The following SBF2 variants were observed in gnomAD, a reference collection of about 807,000 sequenced individuals.
The protein encoded by SBF2 is myotubularin-related protein 13.
SBF2 carries 112 observed loss-of-function variants against 225.2 expected under a neutral mutation model. The observed-to-expected ratio is 0.50, with a 90% CI of 0.43 to 0.58. The LOEUF is 0.58. Ranked by LOEUF, SBF2 falls within the 20% of genes least tolerant of loss-of-function variation. SBF2 has a pLI of 0.00. For missense variants in SBF2, 1,996 were observed against 2,206.2 expected (o/e 0.90, Z 1.91); for synonymous variants, 763 against 773.3 (o/e 0.99, Z 0.22).
intron 1 of SBF2, among the ~76,000 whole-genome samples, chr11:10,270,760 G>T (rs554523062): frequency 1.2e-4 from 18 of 152,204 alleles, no homozygotes; most frequent in Non-Finnish European, 2.1e-4. Context: ...TTGGGAGGCC[G>T]AGGTAGGCGG....
chr11:9,787,814 T>C (rs561049501), intron 35 of SBF2, 76 bp from the exon 36 acceptor site: 520 of 1,255,194 alleles, frequency 4.1e-4, no homozygotes, highest in Non-Finnish European at 5.5e-4. Context: ...ACTGCTTCTG[T>C]ACTAGGCCCA....
chr11:10,112,197 A>G (rs1220803201), intron 2 of SBF2, among the ~76,000 whole-genome samples: 2 of 152,182 alleles, frequency 1.3e-5, no homozygotes, highest in Non-Finnish European at 2.9e-5. Context: ...AAGAACTGAG[A>G]GTAAAGAGGG....
chr11:10,270,103 T>A (rs1030478509), intron 1 of SBF2, among the ~76,000 whole-genome samples: 12 of 152,170 alleles, frequency 7.9e-5, no homozygotes, highest in African/African-American at 2.9e-4. Flanking sequence ...ATAAATTTAT[T>A]TACTTTAAAT....
At chr11:9,797,864 T>C (rs1853227389) in intron 32 of SBF2, among the ~76,000 whole-genome samples, 1 of 152,062 alleles carries the variant, frequency 6.6e-6, no homozygotes, top group Non-Finnish European at 1.5e-5. Context: ...CCCCAGCTAC[T>C]CAGGAGGCTG....
chr11:10,189,339 C>T (rs1028841991), intron 2 of SBF2, among the ~76,000 whole-genome samples: 1 of 152,118 alleles, frequency 6.6e-6, no homozygotes, highest in East Asian at 1.9e-4. Flanking sequence ...TATTCTTCTA[C>T]AAAAAGGAAG....
chr11:9,959,669 G>A, intron 16 of SBF2: 3 of 742,102 alleles, frequency 4.0e-6, no homozygotes, highest in Non-Finnish European at 7.6e-6. Context: ...TTGCAGCGCA[G>A]TCTTGCTTGA....
chr11:9,786,933 C>T (rs1052762893), intron 36 of SBF2, among the ~76,000 whole-genome samples: 6 of 152,182 alleles, frequency 3.9e-5, no homozygotes, highest in Admixed American at 2.0e-4. Context: ...TGTTCTGTCA[C>T]GAGGCTGGAG....
chr11:10,094,652 G>A (rs1435813714), intron 2 of SBF2, among the ~76,000 whole-genome samples: 1 of 149,850 alleles, frequency 6.7e-6, no homozygotes, highest in African/African-American at 2.4e-5. Flanking sequence ...ACAGGTGCCC[G>A]CCACGACGCC....
chr11:10,269,664 C>G (rs1351445725), intron 1 of SBF2, among the ~76,000 whole-genome samples: 1 of 152,176 alleles, frequency 6.6e-6, no homozygotes, highest in African/African-American at 2.4e-5. Flanking sequence ...TTTATGAATG[C>G]AGAAACTGAG....
At chr11:9,868,518 A>C (rs1166753189) in intron 17 of SBF2, among the ~76,000 whole-genome samples, 2 of 151,940 alleles carry the variant, frequency 1.3e-5, no homozygotes, top group Admixed American at 6.6e-5. Flanking sequence ...AGACAAAAAA[A>C]TAAGTAAATA....
intron 6 of SBF2, among the ~76,000 whole-genome samples, chr11:10,014,745 T>C (rs1041787992): frequency 2.0e-5 from 3 of 152,150 alleles, no homozygotes; most frequent in Admixed American, 2.0e-4. Context: ...ATTGAATTTT[T>C]TAATATATGT....
intron 2 of SBF2, among the ~76,000 whole-genome samples, chr11:10,057,313 C>T (rs746878758): frequency 1.3e-5 from 2 of 152,194 alleles, no homozygotes; most frequent in Non-Finnish European, 2.9e-5. Context: ...ACCCTGGACA[C>T]AGCCTCTCTG....
chr11:10,028,508 A>G lies in SBF2; in HGVS notation c.563T>C (p.Leu188Ser). The change falls in exon 6 of 40, where the codon TTA (leucine) becomes TCA (serine). Residue 188 changes from leucine to serine, a missense_variant. Leu to Ser is a moderately radical substitution (Grantham distance 145). Coordinates refer to ENST00000256190, the MANE Select transcript of SBF2 (RefSeq NM_030962.4). The stretch of plus-strand genomic sequence containing the variant: ...GCCCGTGATAGGAAGACTATCATGT[A>G]AAGGAGTCTGGATCAACTGTCTATC... ...AGDRQLIQTP[L>S]HDSLPITGTS... 1 of 1,613,906 alleles carries G rather than the reference A, an allele frequency of 6.2e-7. No homozygotes were observed.
chr11:10,182,835 G>A (rs920235075), intron 2 of SBF2, among the ~76,000 whole-genome samples: 2 of 151,686 alleles, frequency 1.3e-5, no homozygotes, highest in East Asian at 1.9e-4. Flanking sequence ...GTGCAGTGGC[G>A]ATGTCTCGTC....
intron 2 of SBF2, among the ~76,000 whole-genome samples, chr11:10,127,223 AAATT>A (rs1953797995): frequency 6.6e-6 from 1 of 152,236 alleles, no homozygotes; most frequent in Admixed American, 6.5e-5. Context: ...ATAATTTAAA[AAATT>A]AAATAAATAC....
intron 30 of SBF2, chr11:9,810,943 A>G (rs1854144478): frequency 6.6e-6 from 1 of 152,232 alleles, no homozygotes; most frequent in African/African-American, 2.4e-5. Context: ...TCACAATAGC[A>G]AAGACATGGA....
intron 2 of SBF2, among the ~76,000 whole-genome samples, chr11:10,089,768 A>G (rs950852863): frequency 1.3e-5 from 2 of 152,214 alleles, no homozygotes; most frequent in Admixed American, 6.5e-5. Flanking sequence ...CCAACACAAA[A>G]CTAACGGCAT....
intron 1 of SBF2, among the ~76,000 whole-genome samples, chr11:10,266,857 G>A (rs111313731): frequency 0.013 from 1,978 of 152,346 alleles, 19 homozygotes; most frequent in Non-Finnish European, 0.019. Context: ...GGGAAGCCGA[G>A]GCTGGCAGAT....
chr11:9,870,652 G>A (rs1439141807), intron 17 of SBF2, among the ~76,000 whole-genome samples: 1 of 152,126 alleles, frequency 6.6e-6, no homozygotes, highest in Non-Finnish European at 1.5e-5. Flanking sequence ...ACAGAAAATT[G>A]AAACTGGACC....
Sources: allele counts gnomAD v4.1 joint callset (sites outside exome capture counted in the v4.1 genomes callset), GRCh38; gene constraint gnomAD v4.1.1; transcripts MANE v1.5; gene names NCBI Gene and HGNC (gene_info 2026-07-23, HGNC 2026-07-21).